The following PABPC4L variants were observed in gnomAD, a reference collection of about 807,000 sequenced individuals.
The protein encoded by PABPC4L is polyadenylate-binding protein 4-like.
For missense variants in PABPC4L, 452 were observed against 451.4 expected (o/e 1.00, Z -0.01); for synonymous variants, 169 against 164.1 (o/e 1.03, Z -0.23).
At chr4:134,071,781 C>G in the PABPC4L span, among the ~76,000 whole-genome samples, 1 of 152,032 alleles carries the variant, frequency 6.6e-6, no homozygotes, top group Admixed American at 6.6e-5. Flanking sequence ...GGAAGTGAAA[C>G]AATTTAGAAA....
At chr4:134,088,163 A>G in the PABPC4L span, among the ~76,000 whole-genome samples, 1 of 151,950 alleles carries the variant, frequency 6.6e-6, no homozygotes, top group Non-Finnish European at 1.5e-5. Context: ...TGTATCCTAA[A>G]AATTAGAATA....
chr4:134,016,869 C>T, the PABPC4L span, among the ~76,000 whole-genome samples: 1 of 152,130 alleles, frequency 6.6e-6, no homozygotes, highest in Non-Finnish European at 1.5e-5. Flanking sequence ...ACCCATCAAG[C>T]TCGGGGATTT....
chr4:134,163,572 C>T, the PABPC4L span, among the ~76,000 whole-genome samples: 149 of 152,174 alleles, frequency 9.8e-4, no homozygotes, highest in African/African-American at 3.4e-3. Context: ...GACCAATATC[C>T]CTGATGAACA....
At chr4:133,996,505 T>G in the PABPC4L span, among the ~76,000 whole-genome samples, 1 of 152,178 alleles carries the variant, frequency 6.6e-6, no homozygotes, top group Non-Finnish European at 1.5e-5. Flanking sequence ...TGTTGTCCCA[T>G]GATGTAACCC....
At chr4:133,963,113 G>A in the PABPC4L span, among the ~76,000 whole-genome samples, 1 of 152,052 alleles carries the variant, frequency 6.6e-6, no homozygotes, top group East Asian at 1.9e-4. Context: ...AACACATAAG[G>A]ACTCACATAA....
At chr4:134,032,564 G>C in the PABPC4L span, among the ~76,000 whole-genome samples, 1 of 151,746 alleles carries the variant, frequency 6.6e-6, no homozygotes. Context: ...CTAAAATATG[G>C]TAATGTGAAA....
At chr4:134,159,375 A>G in the PABPC4L span, among the ~76,000 whole-genome samples, 1 of 152,116 alleles carries the variant, frequency 6.6e-6, no homozygotes, top group Non-Finnish European at 1.5e-5. Context: ...ACCCGGCTGT[A>G]ACAGAATAAC....
At chr4:134,117,720 GA>G in the PABPC4L span, among the ~76,000 whole-genome samples, 32 of 151,612 alleles carry the variant, frequency 2.1e-4, no homozygotes, top group African/African-American at 7.0e-4. Flanking sequence ...CTAGTTTGAA[GA>G]AAAAAATCAA....
the PABPC4L span, among the ~76,000 whole-genome samples, chr4:133,965,326 A>G: frequency 6.2e-3 from 941 of 152,254 alleles, 14 homozygotes; most frequent in African/African-American, 0.021. Flanking sequence ...GAGATGACAC[A>G]AACAAATGAA....
chr4:133,958,002 G>A, the PABPC4L span, among the ~76,000 whole-genome samples: 2 of 152,124 alleles, frequency 1.3e-5, no homozygotes, highest in African/African-American at 2.4e-5. Context: ...GACCTCTGAC[G>A]CCCTGCAGAC....
At chr4:134,172,056 A>G in the PABPC4L span, among the ~76,000 whole-genome samples, 1 of 152,168 alleles carries the variant, frequency 6.6e-6, no homozygotes, top group Non-Finnish European at 1.5e-5. Context: ...ATGCTCATGG[A>G]TAGGAAAAAT....
downstream of PABPC4L, among the ~76,000 whole-genome samples, chr4:134,191,406 A>C (rs544871915): frequency 3.0e-4 from 46 of 152,292 alleles, no homozygotes; most frequent in Middle Eastern, 0.014. Context: ...TCTCAAGTAC[A>C]CATGAAGCAT....
the PABPC4L span, among the ~76,000 whole-genome samples, chr4:134,069,596 C>T: frequency 1.1e-3 from 161 of 152,244 alleles, 1 homozygote; most frequent in African/African-American, 3.8e-3. Flanking sequence ...CTTTCCTCAG[C>T]TTGGTCAATT....
chr4:134,187,513 G>T, the PABPC4L span, among the ~76,000 whole-genome samples: 1 of 137,992 alleles, frequency 7.2e-6, no homozygotes, highest in African/African-American at 2.7e-5. Context: ...TGGACACAGG[G>T]TGGGGAACAT....
At chr4:134,177,259 C>A in the PABPC4L span, among the ~76,000 whole-genome samples, 12 of 150,256 alleles carry the variant, frequency 8.0e-5, no homozygotes, top group East Asian at 2.0e-3. Flanking sequence ...TGGCTCACTG[C>A]AGCCTCCACC....
the PABPC4L span, among the ~76,000 whole-genome samples, chr4:133,980,604 C>A: frequency 1.3e-5 from 2 of 152,054 alleles, no homozygotes; most frequent in East Asian, 3.9e-4. Context: ...ATTTACCAAA[C>A]ATGTTGGTCA....
the PABPC4L span, among the ~76,000 whole-genome samples, chr4:134,008,631 A>G: frequency 3.3e-5 from 5 of 151,992 alleles, no homozygotes; most frequent in South Asian, 2.1e-4. Flanking sequence ...TAGCATACAT[A>G]AATACGGAGA....
At chr4:134,026,733 T>G in the PABPC4L span, among the ~76,000 whole-genome samples, 1 of 152,132 alleles carries the variant, frequency 6.6e-6, no homozygotes, top group East Asian at 1.9e-4. Flanking sequence ...GTCATTAGCG[T>G]GAGCTCCAGT....
chr4:134,110,913 C>A, the PABPC4L span, among the ~76,000 whole-genome samples: 1 of 151,854 alleles, frequency 6.6e-6, no homozygotes. Context: ...GAACTCAAGG[C>A]TATATATGTA....
Sources: allele counts gnomAD v4.1 joint callset (sites outside exome capture counted in the v4.1 genomes callset), GRCh38; gene constraint gnomAD v4.1.1; transcripts MANE v1.5; gene names NCBI Gene and HGNC (gene_info 2026-07-23, HGNC 2026-07-21).